The following LGSN variants were observed in gnomAD, a reference collection of about 807,000 sequenced individuals.
The protein encoded by LGSN is lengsin.
In LGSN, 21 loss-of-function variants were observed where a neutral mutation model predicts 19.5. That is an observed-to-expected ratio of 1.07 (90% confidence interval 0.76 to 1.55). LGSN has a LOEUF of 1.55. Among genes scored for constraint, LGSN ranks in the 40% most tolerant of loss-of-function variants. LGSN has a pLI of 0.00. For missense variants in LGSN, 673 were observed against 608.5 expected (o/e 1.11, Z -1.12); for synonymous variants, 257 against 215.6 (o/e 1.19, Z -1.68).
intron 1 of LGSN, among the ~76,000 whole-genome samples, chr6:63,314,131 A>G (rs1768748569): frequency 6.6e-6 from 1 of 152,146 alleles, no homozygotes; most frequent in Admixed American, 6.6e-5. Context: ...GTCCCCCACA[A>G]ACCATACAGT....
rs146493551 is a variant in LGSN, at chr6:63,280,077, A to T, written c.1474T>A (p.Leu492Met). The change falls in exon 4 of 4, where the codon TTG becomes ATG. Residue 492 changes from leucine to methionine, a missense_variant. Coordinates refer to ENST00000370657, the MANE Select transcript of LGSN (RefSeq NM_016571.3). The part of the protein sequence containing the change: ...RYFVAMKKYE[L>M]ENEEIAAERN... ...TCTGCAGCTATTTCTTCATTCTCCA[A>T]CTCATATTTCTTCATGGCAACAAAA... is the stretch of plus-strand genomic sequence containing the variant. The T allele has an allele frequency of 8.9e-5, 143 of 1,613,128 alleles. No homozygotes were observed. Among genetic ancestry groups the T allele is most frequent in the Non-Finnish European group, 1.1e-4 (135 of 1,179,528 alleles).
the LGSN span, among the ~76,000 whole-genome samples, chr6:63,370,849 G>GA: frequency 6.6e-6 from 1 of 152,144 alleles, no homozygotes; most frequent in East Asian, 1.9e-4. Flanking sequence ...GGCTAGTAGA[G>GA]AAAAAAACTT....
the LGSN span, among the ~76,000 whole-genome samples, chr6:63,419,785 G>A: frequency 1.3e-5 from 2 of 149,410 alleles, no homozygotes; most frequent in African/African-American, 4.9e-5. Context: ...CTACTCGGGA[G>A]GCTGAGGCAG....
At chr6:63,310,533 T>C (rs898985113) in intron 1 of LGSN, among the ~76,000 whole-genome samples, 1 of 152,064 alleles carries the variant, frequency 6.6e-6, no homozygotes, top group Admixed American at 6.6e-5. Context: ...AAAAAGTTCA[T>C]GGAAATGGAA....
At chr6:63,530,671 AT>A in the LGSN span, among the ~76,000 whole-genome samples, 1 of 152,088 alleles carries the variant, frequency 6.6e-6, no homozygotes, top group African/African-American at 2.4e-5. Flanking sequence ...TATCATAAAG[AT>A]TTTTTCAAAT....
At chr6:63,385,293 T>A in the LGSN span, among the ~76,000 whole-genome samples, 55 of 152,310 alleles carry the variant, frequency 3.6e-4, no homozygotes, top group African/African-American at 1.3e-3. Context: ...CTGGTTTCCA[T>A]GTTGAGTATG....
At chr6:63,373,774 A>G in the LGSN span, among the ~76,000 whole-genome samples, 2 of 152,148 alleles carry the variant, frequency 1.3e-5, no homozygotes, top group South Asian at 4.2e-4. Flanking sequence ...GAGGTTCGAG[A>G]TCAGCCTGGC....
chr6:63,288,235 AAATAAATAAAT>A (rs1767620532), intron 2 of LGSN, among the ~76,000 whole-genome samples: 1 of 119,728 alleles, frequency 8.4e-6, no homozygotes, highest in African/African-American at 3.0e-5. Context: ...TCAAAAAAAT[AAATAAATAAAT>A]AAATAAATAA....
At chr6:63,333,190 C>T in the LGSN span, among the ~76,000 whole-genome samples, 1 of 151,990 alleles carries the variant, frequency 6.6e-6, no homozygotes, top group Non-Finnish European at 1.5e-5. Flanking sequence ...CCACCTACAT[C>T]CTGCTGGCTG....
chr6:63,389,431 C>A, the LGSN span, among the ~76,000 whole-genome samples: 1 of 152,206 alleles, frequency 6.6e-6, no homozygotes, highest in Non-Finnish European at 1.5e-5. Context: ...ACATGTCAGT[C>A]TTATTTTGGC....
At chr6:63,340,686 C>A in the LGSN span, among the ~76,000 whole-genome samples, 3 of 149,532 alleles carry the variant, frequency 2.0e-5, no homozygotes, top group Non-Finnish European at 4.4e-5. Context: ...TTCTGATTTC[C>A]TTGTATGGTT....
the LGSN span, among the ~76,000 whole-genome samples, chr6:63,343,940 T>C: frequency 1.3e-5 from 2 of 152,020 alleles, no homozygotes; most frequent in Non-Finnish European, 2.9e-5. Flanking sequence ...CAGCAACTTC[T>C]AGAAGCTGAG....
At chr6:63,545,295 G>T in the LGSN span, among the ~76,000 whole-genome samples, 3 of 152,022 alleles carry the variant, frequency 2.0e-5, no homozygotes, top group Non-Finnish European at 4.4e-5. Context: ...TTAATCTCTG[G>T]CTCAAGAAAT....
the LGSN span, among the ~76,000 whole-genome samples, chr6:63,371,059 C>T: frequency 6.6e-6 from 1 of 152,162 alleles, no homozygotes; most frequent in African/African-American, 2.4e-5. Flanking sequence ...TAGCATCTAG[C>T]ATATATTAAT....
chr6:63,560,839 C>T, the LGSN span, among the ~76,000 whole-genome samples: 1 of 152,258 alleles, frequency 6.6e-6, no homozygotes, highest in African/African-American at 2.4e-5. Context: ...TAGATTGGCA[C>T]CAGTTCACAG....
chr6:63,449,168 T>C, the LGSN span, among the ~76,000 whole-genome samples: 1 of 152,126 alleles, frequency 6.6e-6, no homozygotes, highest in South Asian at 2.1e-4. Flanking sequence ...ACTGTACCTA[T>C]AAAATGACAG....
the LGSN span, among the ~76,000 whole-genome samples, chr6:63,413,482 G>C: frequency 6.6e-6 from 1 of 152,124 alleles, no homozygotes; most frequent in Non-Finnish European, 1.5e-5. Flanking sequence ...ATTTGTGACT[G>C]ATGACATTGC....
At chr6:63,334,980 T>C in the LGSN span, among the ~76,000 whole-genome samples, 1 of 147,480 alleles carries the variant, frequency 6.8e-6, no homozygotes, top group East Asian at 2.0e-4. Flanking sequence ...TTACTAAAAA[T>C]ACAAAAAAAA....
chr6:63,464,555 A>G, the LGSN span, among the ~76,000 whole-genome samples: 3 of 150,506 alleles, frequency 2.0e-5, no homozygotes, highest in African/African-American at 7.3e-5. Flanking sequence ...ATATGTATAT[A>G]ATGTATTAAA....
Sources: allele counts gnomAD v4.1 joint callset (sites outside exome capture counted in the v4.1 genomes callset), GRCh38; gene constraint gnomAD v4.1.1; transcripts MANE v1.5; gene names NCBI Gene and HGNC (gene_info 2026-07-23, HGNC 2026-07-21).